Variants in SH3PXD2B observed in about 807,000 individuals in gnomAD.
The protein encoded by SH3PXD2B is SH3 and PX domains 2B.
SH3PXD2B carries 37 observed loss-of-function variants against 73.1 expected under a neutral mutation model. The ratio of observed to expected loss-of-function variants is 0.51; its 90% CI spans 0.39 to 0.67. The LOEUF (loss-of-function observed/expected upper bound fraction) is 0.67, where lower values mean the gene tolerates loss of function less well. SH3PXD2B is among the 30% of genes least tolerant of loss of function. SH3PXD2B has a pLI of 0.00. For missense variants in SH3PXD2B, 1,053 were observed against 1,197.8 expected (o/e 0.88, Z 1.78); for synonymous variants, 457 against 480.5 (o/e 0.95, Z 0.64).
Position 172,421,308 on chromosome 5 carries a change from G to C in SH3PXD2B, c.156+1108C>G, listed in dbSNP as rs1758958430. On this transcript the variant is annotated intron_variant, in intron 2 of 12. Coordinates refer to ENST00000311601, the MANE Select transcript of SH3PXD2B (RefSeq NM_001017995.3). The surrounding 1 kb of genome is among the most constrained non-coding windows in gnomAD (Gnocchi z 4.0). ...AACTACTAACCCACTGGTTAGACTT[G>C]TTTTACCCTAATGGGGATGTGCTTA... Among the ~76,000 whole-genome samples, 1 of 152,188 alleles carries C rather than the reference G, an allele frequency of 6.6e-6. No individual in the cohort carries two copies.
intron 11 of SH3PXD2B, among the ~76,000 whole-genome samples, 169 bp from the exon 12 acceptor site, chr5:172,346,430 C>T (rs751642167): frequency 1.4e-4 from 22 of 152,116 alleles, no homozygotes; most frequent in Non-Finnish European, 2.8e-4. Flanking sequence ...TGTCACTCCT[C>T]GGTGAGACCT....
rs994129106 is a variant in SH3PXD2B, at chr5:172,334,124, T to C, written c.*4245A>G. ...GGAGCTAAGAAGGCTTACTTTGGAG[T>C]CGAGGATAGAAACGGGAAGATGGAA... On this transcript the variant is annotated 3_prime_UTR_variant, in exon 13 of 13. Coordinates refer to ENST00000311601, the MANE Select transcript of SH3PXD2B (RefSeq NM_001017995.3). 18 of 1,111,994 alleles carry C rather than the reference T, an allele frequency of 1.6e-5. No individual in the cohort carries two copies. The highest frequency in any genetic ancestry group is 2.0e-5 in the Non-Finnish European group (18 of 907,778). The allele number at this position is 1,111,994 out of a possible 1,614,324, so 68.9% of individuals were successfully genotyped here.
chr5:172,422,339 T>C, intron 2 of SH3PXD2B, 77 bp downstream of exon 2: 1 of 1,355,916 alleles, frequency 7.4e-7, no homozygotes, highest in Non-Finnish European at 1.0e-6. Context: ...AATTCTGGAC[T>C]CTAAAGCTGT....
rs141993560 is a variant in SH3PXD2B, at chr5:172,339,762, C to T, written c.1343G>A (p.Arg448Gln). 102 of 1,613,068 alleles carry T rather than the reference C, an allele frequency of 6.3e-5. No individual in the cohort carries two copies. The highest frequency in any genetic ancestry group is 5.6e-4 in the African/African-American group (42 of 74,930). Residue 448 changes from arginine (R) to glutamine (Q), a missense_variant, in exon 13 of 13, where the codon CGG becomes CAG. Coordinates refer to ENST00000311601, the MANE Select transcript of SH3PXD2B (RefSeq NM_001017995.3). The surrounding 1 kb of genome is among the most constrained non-coding windows in gnomAD (Gnocchi z 6.1). ...APLPHEVTQL[R>Q]LGEAAALENN... ...CTCCAGCGCTGCTGCTTCCCCCAGC[C>T]GGAGCTGGGTCACCTCGTGGGGCAG... is the stretch of plus-strand genomic sequence containing the variant.
At chr5:172,368,067 G>A (rs978723115) in intron 6 of SH3PXD2B, among the ~76,000 whole-genome samples, 14 of 152,178 alleles carry the variant, frequency 9.2e-5, no homozygotes, top group African/African-American at 3.4e-4. Flanking sequence ...GCTCTGACCA[G>A]TAGCATCCTT....
chr5:172,364,401 A>G (rs1190130219), intron 6 of SH3PXD2B, among the ~76,000 whole-genome samples: 1 of 152,152 alleles, frequency 6.6e-6, no homozygotes, highest in Non-Finnish European at 1.5e-5. Context: ...GTGGTGGCTC[A>G]TGTCTGTAAT....
Position 172,337,278 on chromosome 5 carries a change from A to G in SH3PXD2B, c.*1091T>C. 1.0e-6 allele frequency: 1 copy of G among 985,732 alleles called. No homozygotes were observed. Among genetic ancestry groups the G allele is most frequent in the Non-Finnish European group, 1.2e-6 (1 of 830,156 alleles). The allele number at this position is 985,732 out of a possible 1,614,324, so 61.1% of individuals were successfully genotyped here. A position where few individuals can be genotyped will look rare whatever the true frequency, so the allele number is the denominator to read the frequency against. On this transcript the variant is annotated 3_prime_UTR_variant, in exon 13 of 13. Coordinates refer to ENST00000311601, the MANE Select transcript of SH3PXD2B (RefSeq NM_001017995.3). ...CAATGAAGCCACTTGGCCACCACTT[A>G]GCCAGCTTCTATCTCTTCCCTGCCT...
chr5:172,402,432 T>G (rs928109948), intron 3 of SH3PXD2B, among the ~76,000 whole-genome samples: 2 of 152,228 alleles, frequency 1.3e-5, no homozygotes, highest in Non-Finnish European at 2.9e-5. Context: ...TTGTGAAGCA[T>G]GTGATCTCTG....
At chr5:172,429,633 TTGGGG>T (rs1302008479) in intron 1 of SH3PXD2B, among the ~76,000 whole-genome samples, 2 of 151,700 alleles carry the variant, frequency 1.3e-5, no homozygotes, top group Admixed American at 1.3e-4. Flanking sequence ...GTGGGAGGAA[TTGGGG>T]TGGGGTGTGC....
intron 4 of SH3PXD2B, among the ~76,000 whole-genome samples, chr5:172,388,914 G>C (rs756944803): frequency 7.9e-5 from 12 of 152,252 alleles, no homozygotes; most frequent in Non-Finnish European, 1.5e-4. Context: ...TGAGGGCTGG[G>C]AGGCAACAGC....
At chr5:172,341,545 C>T (rs1322013635) in intron 12 of SH3PXD2B, among the ~76,000 whole-genome samples, 1 of 152,198 alleles carries the variant, frequency 6.6e-6, no homozygotes, top group Non-Finnish European at 1.5e-5. Flanking sequence ...GCTCCCTGAG[C>T]CTCCCCAGAA....
At chr5:172,392,785 A>G (rs1758219993) in intron 4 of SH3PXD2B, among the ~76,000 whole-genome samples, 1 of 152,152 alleles carries the variant, frequency 6.6e-6, no homozygotes, top group South Asian at 2.1e-4. Context: ...ACTCCATCTC[A>G]AAAACAAAAA....
At chr5:172,400,316 A>C (rs1758397183) in intron 3 of SH3PXD2B, among the ~76,000 whole-genome samples, 1 of 152,228 alleles carries the variant, frequency 6.6e-6, no homozygotes, top group African/African-American at 2.4e-5. Context: ...ATGGTTTAGT[A>C]ATAGACTGGG....
At chr5:172,450,956 T>C (rs921859246) in intron 1 of SH3PXD2B, among the ~76,000 whole-genome samples, 2 of 152,142 alleles carry the variant, frequency 1.3e-5, no homozygotes, top group Non-Finnish European at 2.9e-5. Context: ...CTCCAAACAA[T>C]ATCATGGTTC....
intron 6 of SH3PXD2B, among the ~76,000 whole-genome samples, chr5:172,372,738 C>T (rs1757734127): frequency 6.6e-6 from 1 of 152,156 alleles, no homozygotes; most frequent in Non-Finnish European, 1.5e-5. Flanking sequence ...GATAAGGAAA[C>T]TGAGGCCCAT....
intron 2 of SH3PXD2B, among the ~76,000 whole-genome samples, chr5:172,415,424 C>T (rs1758797864): frequency 6.6e-6 from 1 of 152,166 alleles, no homozygotes; most frequent in Non-Finnish European, 1.5e-5. Flanking sequence ...GAAAGGCAAT[C>T]CCGGGGCCCA....
At position 172,340,278 on chromosome 5, in the gene SH3PXD2B, G is replaced by C. The variant is rs139704541; in HGVS notation, c.1189-362C>G. On this transcript the variant is annotated intron_variant, in intron 12 of 12. Coordinates refer to ENST00000311601, the MANE Select transcript of SH3PXD2B (RefSeq NM_001017995.3). ...GTTATTGCTCGGGGCCATGGGGCTT[G>C]ATCTGCCAGGGACCCTCTGAGAGAC... is the stretch of plus-strand genomic sequence containing the variant. Among the ~76,000 whole-genome samples the C allele has an allele frequency of 2.0e-5, 3 of 152,344 alleles. No individual in the cohort carries two copies. In the East Asian group the frequency reaches 5.8e-4, roughly 29 times the overall value.
rs188151715 is a variant in SH3PXD2B, at chr5:172,345,000, G to A, written c.1188+1136C>T. ...GAAAGAAAGAAGGAGGAAGGAGGGA[G>A]GAAAGAGAGAAGGAGGGAAAGGAGG... On this transcript the variant is annotated intron_variant, in intron 12 of 12. Coordinates refer to ENST00000311601, the MANE Select transcript of SH3PXD2B (RefSeq NM_001017995.3). Among the ~76,000 whole-genome samples, 238 of 147,432 alleles carry A rather than the reference G, an allele frequency of 1.6e-3. 2 individuals are homozygous for A. Among genetic ancestry groups the A allele is most frequent in the African/African-American group, 5.9e-3 (231 of 39,028 alleles).
At chr5:172,379,216 G>A (rs554829698) in intron 5 of SH3PXD2B, among the ~76,000 whole-genome samples, 3 of 150,788 alleles carry the variant, frequency 2.0e-5, no homozygotes, top group Non-Finnish European at 4.4e-5. Flanking sequence ...TAGGATTAGC[G>A]CCTTTATGAG....
Sources: allele counts gnomAD v4.1 joint callset (sites outside exome capture counted in the v4.1 genomes callset), GRCh38; gene constraint gnomAD v4.1.1; non-coding constraint Gnocchi (gnomAD v3.1); transcripts MANE v1.5; gene names NCBI Gene and HGNC (gene_info 2026-07-23, HGNC 2026-07-21).